The following DHRSX variants were observed in gnomAD, a reference collection of about 807,000 sequenced individuals.
DHRSX encodes the protein dehydrogenase/reductase X-linked, also known as polyprenol dehydrogenase.
In DHRSX, 31 loss-of-function variants were observed where a neutral mutation model predicts 34.0. The ratio of observed to expected loss-of-function variants is 0.91; its 90% CI spans 0.69 to 1.23. The LOEUF (loss-of-function observed/expected upper bound fraction) is 1.23. DHRSX is among the 50% of genes most tolerant of loss of function. DHRSX has a pLI of 0.00. For synonymous variants in DHRSX, 201 were observed against 183.8 expected (o/e 1.09, Z -0.76); for missense variants, 414 against 428.1 (o/e 0.97, Z 0.29).
At chrX:2,291,710 T>A (rs772983593) in intron 3 of DHRSX, 107 bp from the exon 4 acceptor site, 2 of 563,318 alleles carry the variant, frequency 3.6e-6, no homozygotes, top group Non-Finnish European at 5.9e-6. Flanking sequence ...GAAGTAACAC[T>A]TTTTTTTTTT....
chrX:2,242,888 T>C (rs1602782438), intron 6 of DHRSX, 135 bp downstream of exon 6: 1 of 812,088 alleles, frequency 1.2e-6, no homozygotes, highest in Non-Finnish European at 2.0e-6. Flanking sequence ...CTTGCTTCTC[T>C]TTCCACCACT....
intron 1 of DHRSX, among the ~76,000 whole-genome samples, chrX:2,481,750 C>T (rs1237605208): frequency 6.6e-6 from 1 of 151,978 alleles, no homozygotes; most frequent in Non-Finnish European, 1.5e-5. Flanking sequence ...CACAAAGCGG[C>T]GAGTGTTCCC....
chrX:2,288,125 A>G (rs776164866), intron 4 of DHRSX, among the ~76,000 whole-genome samples: 1 of 83,098 alleles, frequency 1.2e-5, no homozygotes, highest in East Asian at 2.2e-4. Context: ...AGTGAAGGAG[A>G]TAAAAAAAAA....
At chrX:2,472,563 A>C (rs532123198) in intron 1 of DHRSX, among the ~76,000 whole-genome samples, 64 of 152,278 alleles carry the variant, frequency 4.2e-4, no homozygotes, top group African/African-American at 1.3e-3. Context: ...TGAGGCCAGG[A>C]GTTCGAGACC....
chrX:2,304,244 AATGG>A (rs1223527133), intron 3 of DHRSX, among the ~76,000 whole-genome samples: 7 of 32,812 alleles, frequency 2.1e-4, no homozygotes, highest in East Asian at 1.2e-3. Context: ...TGGATGGATA[AATGG>A]ATGGATGGAT....
chrX:2,264,762 C>G (rs933489980), intron 5 of DHRSX, among the ~76,000 whole-genome samples: 1 of 151,948 alleles, frequency 6.6e-6, no homozygotes, highest in South Asian at 2.1e-4. Context: ...AGTACCGTGC[C>G]CAGAGCACCT....
chrX:2,451,958 T>A (rs2044225306), intron 1 of DHRSX, among the ~76,000 whole-genome samples: 1 of 151,220 alleles, frequency 6.6e-6, no homozygotes, highest in African/African-American at 2.4e-5. Flanking sequence ...TTGAAGACAT[T>A]CCCTAAGTAT....
intron 5 of DHRSX, among the ~76,000 whole-genome samples, chrX:2,265,009 G>A (rs183043200): frequency 0.12 from 17,352 of 149,234 alleles, 3,179 homozygotes; most frequent in African/African-American, 0.39. Context: ...CTCAGCAGAC[G>A]CAGGGAGCAC....
chrX:2,308,530 G>T (rs1436542181), intron 3 of DHRSX, among the ~76,000 whole-genome samples: 2 of 152,164 alleles, frequency 1.3e-5, no homozygotes, highest in African/African-American at 4.8e-5. Context: ...AATGGAACAA[G>T]GAGGATCATC....
intron 5 of DHRSX, among the ~76,000 whole-genome samples, chrX:2,257,010 T>G (rs1371280272): frequency 5.9e-5 from 9 of 152,154 alleles, no homozygotes. Flanking sequence ...AGTGCAGTGG[T>G]GCGATCTTGG....
chrX:2,483,948 CACA>C (rs199664739), intron 1 of DHRSX, among the ~76,000 whole-genome samples: 3,251 of 152,256 alleles, frequency 0.021, 63 homozygotes, highest in Non-Finnish European at 0.032. Flanking sequence ...TATTTCTTGA[CACA>C]ACATTTATAT....
At chrX:2,466,038 T>C (rs1471891332) in intron 1 of DHRSX, among the ~76,000 whole-genome samples, 1 of 152,168 alleles carries the variant, frequency 6.6e-6, no homozygotes. Context: ...GTTACATCCA[T>C]TCCTGAACAC....
At chrX:2,326,459 G>A (rs2042387606) in intron 3 of DHRSX, among the ~76,000 whole-genome samples, 1 of 152,090 alleles carries the variant, frequency 6.6e-6, no homozygotes, top group African/African-American at 2.4e-5. Flanking sequence ...GGAGGTGGAG[G>A]TTGTAGTGAG....
chrX:2,417,892 C>T (rs1212773014), intron 2 of DHRSX, among the ~76,000 whole-genome samples: 2 of 152,058 alleles, frequency 1.3e-5, no homozygotes, highest in African/African-American at 4.8e-5. Context: ...ACTAATACAA[C>T]TAGACTTCAT....
chrX:2,243,798 T>TTTTTTTTTTTTTTTG (rs2016208419), intron 5 of DHRSX, among the ~76,000 whole-genome samples: 1 of 93,822 alleles, frequency 1.1e-5, no homozygotes, highest in African/African-American at 4.6e-5. Context: ...GTTTTTTTTT[T>TTTTTTTTTTTTTTTG]TTTTTTTTTT....
intron 1 of DHRSX, among the ~76,000 whole-genome samples, chrX:2,452,399 C>G (rs1246317319): frequency 1.3e-5 from 2 of 151,888 alleles, no homozygotes; most frequent in Admixed American, 6.6e-5. Context: ...AAGCATGTAG[C>G]CAAGGGACTG....
chrX:2,474,765 A>G (rs2044649271), intron 1 of DHRSX, among the ~76,000 whole-genome samples: 4 of 151,442 alleles, frequency 2.6e-5, no homozygotes, highest in Admixed American at 2.6e-4. Context: ...AAAAGATGGC[A>G]CTGAAGACGT....
chrX:2,340,896 A>G (rs1395493873), intron 3 of DHRSX, among the ~76,000 whole-genome samples: 1 of 152,108 alleles, frequency 6.6e-6, no homozygotes, highest in Non-Finnish European at 1.5e-5. Flanking sequence ...GATGTTTTGC[A>G]GGTGGAGAGA....
chrX:2,304,235 GGATGGATA>G (rs1569485908), intron 3 of DHRSX, among the ~76,000 whole-genome samples: 3 of 138,122 alleles, frequency 2.2e-5, no homozygotes, highest in Admixed American at 7.1e-5. Context: ...ATGGATGGAT[GGATGGATA>G]AATGGATGGA....
Sources: allele counts gnomAD v4.1 joint callset (sites outside exome capture counted in the v4.1 genomes callset), GRCh38; gene constraint gnomAD v4.1.1; transcripts MANE v1.5; gene names NCBI Gene and HGNC (gene_info 2026-07-23, HGNC 2026-07-21).